NOC3L: variants seen among roughly 807,000 people sequenced by gnomAD.
NOC3L encodes the protein NOC3 like DNA replication regulator.
Under a neutral mutation model 102.5 loss-of-function variants are expected in NOC3L, and 85 were observed. That is an observed-to-expected ratio of 0.83 (90% CI 0.70 to 0.99). The LOEUF (loss-of-function observed/expected upper bound fraction) is 0.99. Among genes scored for constraint, NOC3L ranks in the 50% least tolerant of loss-of-function variants. NOC3L has a pLI of 0.00. For missense variants in NOC3L, 878 were observed against 914.9 expected, an observed-to-expected ratio of 0.96 and a Z score of 0.52; for synonymous variants, 303 against 309.4, an observed-to-expected ratio of 0.98 and a Z score of 0.22.
At chr10:94,354,885 G>T in intron 6 of NOC3L, 78 bp downstream of exon 6, 2 of 1,429,086 alleles carry the variant, frequency 1.4e-6, no homozygotes, top group South Asian at 1.3e-5. Flanking sequence ...TATGCTTATA[G>T]GTAACAAGGG....
chr10:94,321,431 A>G, the NOC3L span, among the ~76,000 whole-genome samples: 3 of 152,336 alleles, frequency 2.0e-5, no homozygotes, highest in East Asian at 5.8e-4. Context: ...CAGGAGTTCA[A>G]GACCAGCCTG....
rs932282501 is a variant in NOC3L at position 94,350,342 on chromosome 10, T to C, written c.953-54A>G. 4 of 1,489,274 alleles carry C rather than the reference T, an allele frequency of 2.7e-6. No individual in the cohort carries two copies. In the African/African-American group the frequency reaches 4.2e-5, roughly 15 times the overall value. 92.3% of individuals were successfully genotyped at this position (1,489,274 alleles called of 1,614,324 possible). A position where few individuals can be genotyped will look rare whatever the true frequency, so the allele number is the denominator to read the frequency against. On this transcript the variant is annotated intron_variant, in intron 8 of 20. Transcript: ENST00000371361. ...ACTCATTGGTCAAAAGTTAAACTAATTGGCTTTCTTTTACAATCAATGTAC... is the reference window on the plus strand; with the variant it reads ...ACTCATTGGTCAAAAGTTAAACTAACTGGCTTTCTTTTACAATCAATGTAC...
the NOC3L span, among the ~76,000 whole-genome samples, chr10:94,327,034 C>T: frequency 3.3e-5 from 5 of 152,040 alleles, no homozygotes; most frequent in East Asian, 3.9e-4. Flanking sequence ...TGGTGGTGTG[C>T]GCAGGTAGTC....
Position 94,333,624 on chromosome 10 carries a change from T to C in NOC3L, c.*553A>G, listed in dbSNP as rs1358532093. ...AAAAGGCCAAATTAGGTAACTTCTT[T>C]AGGTGGATCATCCAGCAAAAGCCAA... On this transcript the variant is annotated 3_prime_UTR_variant, in exon 21 of 21. Coordinates refer to ENST00000371361, the MANE Select transcript of NOC3L (RefSeq NM_022451.11). 2.0e-5 allele frequency: 3 copies of C among 152,180 alleles called. No individual in the cohort carries two copies. Among genetic ancestry groups the C allele is most frequent in the Admixed American group, 6.5e-5 (1 of 15,288 alleles). 9.4% of individuals were successfully genotyped at this position (152,180 alleles called of 1,614,324 possible).
chr10:94,349,043 T>C (rs10882436), intron 10 of NOC3L, among the ~76,000 whole-genome samples: 37,732 of 151,968 alleles, frequency 0.25, 4,758 homozygotes, highest in Middle Eastern at 0.41. Context: ...CAAGTATATA[T>C]GACTATATCT....
chr10:94,316,963 C>A, the NOC3L span, among the ~76,000 whole-genome samples: 1 of 152,190 alleles, frequency 6.6e-6, no homozygotes, highest in Non-Finnish European at 1.5e-5. Flanking sequence ...TAAAAAACAT[C>A]CCTTAGACCG....
chr10:94,329,989 A>T (rs2054140660), downstream of NOC3L: 1 of 152,146 alleles, frequency 6.6e-6, no homozygotes, highest in Non-Finnish European at 1.5e-5. Context: ...CATTTTAAAA[A>T]TATTCCGGAA....
chr10:94,321,812 AAGATACAAGCTC>A, the NOC3L span: 1 of 938,746 alleles, frequency 1.1e-6, no homozygotes, highest in Non-Finnish European at 1.7e-6. Context: ...CTACATCACC[AAGATACAAGCTC>A]AGATTTTTGC....
rs1256926729 is a variant in NOC3L at position 94,344,429 on chromosome 10, T to C, written c.1557A>G (p.Leu519=). The change falls in exon 13 of 21, where the codon CTA becomes CTG. Residue 519 remains leucine, a synonymous_variant. Transcript: ENST00000371361. ...ACAGCCCTTACTTGGCAAGACCTTC[T>C]AGAACTGCTGGCAGGAGAGGTGACC... The part of the protein sequence containing the change: ...AQRSPLLPAV[L]EGLAKFAHLI... 1.9e-6 allele frequency: 3 copies of C among 1,612,610 alleles called. No homozygotes were observed. The highest frequency in any genetic ancestry group is 1.3e-5 in the African/African-American group (1 of 75,022).
chr10:94,333,840 CTAATTT>C lies in NOC3L; in HGVS notation c.*331_*336del, dbSNP rs2054186672. 1 of 165,380 alleles carries C rather than the reference CTAATTT, an allele frequency of 6.0e-6. No individual in the cohort carries two copies. Among genetic ancestry groups the C allele is most frequent in the African/African-American group, 2.4e-5 (1 of 42,004 alleles). The allele number at this position is 165,380 out of a possible 1,614,324, so 10.2% of individuals were successfully genotyped here. A position where few individuals can be genotyped will look rare whatever the true frequency, so the allele number is the denominator to read the frequency against. On this transcript the variant is annotated 3_prime_UTR_variant, in exon 21 of 21. Coordinates refer to ENST00000371361, the MANE Select transcript of NOC3L (RefSeq NM_022451.11). ...TCTTGATTTTTCTGTGCTCTATGCC[CTAATTT>C]TAATATAGCAACTGCACTTCAGTAA...
Position 94,355,674 on chromosome 10 carries a change from C to G in NOC3L, c.566-581G>C, listed in dbSNP as rs147959475. Among the ~76,000 whole-genome samples the G allele has an allele frequency of 7.0e-4, 106 of 152,248 alleles. 6 individuals are homozygous for G. In the East Asian group the frequency reaches 0.02, roughly 29 times the overall value. ...AAAGTGCTGGGATTACAGGCATGAG[C>G]CAGTGCAACCAGCCTAGAGCTCATA... On this transcript the variant is annotated intron_variant, in intron 5 of 20. Coordinates refer to ENST00000371361, the MANE Select transcript of NOC3L (RefSeq NM_022451.11).
At chr10:94,317,999 A>G in the NOC3L span, among the ~76,000 whole-genome samples, 2 of 152,156 alleles carry the variant, frequency 1.3e-5, no homozygotes, top group African/African-American at 2.4e-5. Flanking sequence ...CACAGTGAAG[A>G]TAATAGCCAA....
Position 94,340,514 on chromosome 10 carries a change from G to C in NOC3L, c.1645-18C>G, listed in dbSNP as rs746462512. On this transcript the variant is annotated intron_variant, in intron 14 of 20. Coordinates refer to ENST00000371361, the MANE Select transcript of NOC3L (RefSeq NM_022451.11). ...CTTAGGTCCTTTAAAAAAAAAAGGG[G>C]GGGGTGAGGGGGATGGAATATTAAG... is the stretch of plus-strand genomic sequence containing the variant. The C allele has an allele frequency of 3.9e-6, 5 of 1,289,512 alleles. No individual in the cohort carries two copies. Among genetic ancestry groups the C allele is most frequent in the East Asian group, 6.0e-5 (2 of 33,306 alleles). 79.9% of individuals were successfully genotyped at this position (1,289,512 alleles called of 1,614,324 possible).
In NOC3L at chr10:94,357,159, G is replaced by C; in HGVS notation, c.508+15C>G. On this transcript the variant is annotated intron_variant, in intron 4 of 20. Coordinates refer to ENST00000371361, the MANE Select transcript of NOC3L (RefSeq NM_022451.11). ...GGTAAAAGTTCAACTAATATTACCAGTTTATTAGACTCACCTGGCTTCTCC... is the reference window on the plus strand; with the variant it reads ...GGTAAAAGTTCAACTAATATTACCACTTTATTAGACTCACCTGGCTTCTCC... 6.6e-7 allele frequency: 1 copy of C among 1,505,780 alleles called. No homozygotes were observed. The highest frequency in any genetic ancestry group is 8.9e-7 in the Non-Finnish European group (1 of 1,125,426). The allele number at this position is 1,505,780 out of a possible 1,614,324, so 93.3% of individuals were successfully genotyped here.
chr10:94,352,547 C>T, intron 7 of NOC3L, 144 bp from the exon 8 acceptor site: 4 of 621,876 alleles, frequency 6.4e-6, no homozygotes, highest in Admixed American at 3.0e-5. Flanking sequence ...TTAGGCCAGG[C>T]GTGGTGGCTC....
rs1466743054 is a variant in NOC3L at position 94,345,014 on chromosome 10, T to G, written c.1390-81A>C. The G allele has an allele frequency of 7.9e-6, 7 of 880,750 alleles. No individual in the cohort carries two copies. In the East Asian group the frequency reaches 1.7e-4, roughly 22 times the overall value. 54.6% of individuals were successfully genotyped at this position (880,750 alleles called of 1,614,324 possible). On this transcript the variant is annotated intron_variant, in intron 11 of 20. Transcript: ENST00000371361. Reference sequence around the variant, plus strand: ...GCAGAGGCAGAATACGTAAATGTCATAAAACACATACAGTAATACCACATG... The same window carrying G: ...GCAGAGGCAGAATACGTAAATGTCAGAAAACACATACAGTAATACCACATG...
At chr10:94,361,468 T>C (rs1432243780) in intron 2 of NOC3L, 197 bp downstream of exon 2, 2 of 558,558 alleles carry the variant, frequency 3.6e-6, no homozygotes, top group Non-Finnish European at 6.3e-6. Flanking sequence ...GAATGAATAC[T>C]GTATTGAAAT....
the NOC3L span, among the ~76,000 whole-genome samples, chr10:94,317,259 A>C: frequency 6.6e-6 from 1 of 152,216 alleles, no homozygotes. Flanking sequence ...TGTCTCAAAA[A>C]AAAAGACAAG....
In NOC3L at chr10:94,337,890, G is replaced by A; in HGVS notation, c.2092-16C>T. 3.2e-6 allele frequency: 5 copies of A among 1,577,016 alleles called. No homozygotes were observed. Among genetic ancestry groups the A allele is most frequent in the African/African-American group, 1.3e-5 (1 of 74,162 alleles). ...GATAATGCCTCTGAAGGGAAAACGG[G>A]ACAATCACATTCTGCACAGGTCAGT... On this transcript the variant is annotated splice_polypyrimidine_tract_variant and intron_variant, in intron 18 of 20. Coordinates refer to ENST00000371361, the MANE Select transcript of NOC3L (RefSeq NM_022451.11).
Sources: allele counts gnomAD v4.1 joint callset (sites outside exome capture counted in the v4.1 genomes callset), GRCh38; gene constraint gnomAD v4.1.1; transcripts MANE v1.5; gene names NCBI Gene and HGNC (gene_info 2026-07-23, HGNC 2026-07-21).